Variants in TTLL5 observed in about 807,000 individuals in gnomAD.
TTLL5 encodes the protein tubulin tyrosine ligase like 5.
A neutral mutation model predicts 168.4 loss-of-function variants in TTLL5; 132 were observed. The ratio of observed to expected loss-of-function variants is 0.78; its 90% CI spans 0.68 to 0.91. The LOEUF (loss-of-function observed/expected upper bound fraction) is 0.91, where lower values mean the gene tolerates loss of function less well. Among genes scored for constraint, TTLL5 ranks in the 40% least tolerant of loss-of-function variants. TTLL5 has a pLI of 0.00. For synonymous variants in TTLL5, 546 were observed against 558.6 expected (o/e 0.98, Z 0.32); for missense variants, 1,545 against 1,581.5 (o/e 0.98, Z 0.39).
At position 75,773,967 on chromosome 14, in the gene TTLL5, G is replaced by GAGAA. The variant is rs1566598271; in HGVS notation, c.2137-1514_2137-1513insAAGA. ...AGAGAGAGAGAGAGAAAGAGAGAGA[G>GAGAA]AGAGAGAGAGAGAGAGAGAGAGAGA... On this transcript the variant is annotated intron_variant, in intron 21 of 31. Coordinates refer to ENST00000298832, the MANE Select transcript of TTLL5 (RefSeq NM_015072.5). Among the ~76,000 whole-genome samples, 176 of 101,470 alleles carry GAGAA rather than the reference G, an allele frequency of 1.7e-3. 1 individual carries two copies. Among genetic ancestry groups the GAGAA allele is most frequent in the African/African-American group, 4.8e-3 (118 of 24,744 alleles). The allele number at this position is 101,470 out of a possible 152,430, so 66.6% of individuals were successfully genotyped here.
intron 30 of TTLL5, among the ~76,000 whole-genome samples, chr14:75,885,253 A>G (rs1595206407): frequency 6.6e-6 from 1 of 150,614 alleles, no homozygotes; most frequent in African/African-American, 2.4e-5. Flanking sequence ...CACTTTGGGA[A>G]GCCGAGGCGG....
chr14:75,670,412 T>TA (rs147961440), intron 3 of TTLL5, among the ~76,000 whole-genome samples: 2,389 of 152,268 alleles, frequency 0.016, 79 homozygotes, highest in African/African-American at 0.054. Flanking sequence ...TTTGGACACT[T>TA]AATCTTCAGT....
chr14:75,745,264 TAGTG>T, intron 16 of TTLL5, 56 bp downstream of exon 16: 1 of 1,504,332 alleles, frequency 6.6e-7, no homozygotes, highest in South Asian at 1.2e-5. Context: ...TAGTGAAAAT[TAGTG>T]AGTGATTGAT....
At chr14:75,833,428 C>T (rs1469053817) in intron 28 of TTLL5, among the ~76,000 whole-genome samples, 1 of 152,062 alleles carries the variant, frequency 6.6e-6, no homozygotes, top group Non-Finnish European at 1.5e-5. Flanking sequence ...TTTAAAATAT[C>T]GAAGATCTTC....
chr14:75,833,856 G>A (rs769994703), intron 28 of TTLL5, among the ~76,000 whole-genome samples: 2 of 152,198 alleles, frequency 1.3e-5, no homozygotes, highest in African/African-American at 4.8e-5. Flanking sequence ...TTCTCTGCCT[G>A]ATAAATTTTC....
At position 75,793,096 on chromosome 14, in the gene TTLL5, A is replaced by G; in HGVS notation, c.3167A>G (p.Gln1056Arg). ...TCCAGCCACATCAACCTCCTCACCC[A>G]ACAGGTACGGATGGTCTGGGGTGTC... ...SPSSHINLLTQQVTNLNLATG... is the reference protein window; with the variant it reads ...SPSSHINLLTRQVTNLNLATG... Residue 1056 changes from glutamine (Q) to arginine (R), a missense_variant, in exon 27 of 32, where the codon CAA becomes CGA. By Grantham distance (43) the Gln-to-Arg change is conservative (BLOSUM62 1). Transcript: ENST00000298832. The G allele has an allele frequency of 6.2e-7, 1 of 1,608,934 alleles. No individual in the cohort carries two copies. The highest frequency in any genetic ancestry group is 1.3e-5 in the African/African-American group (1 of 74,964).
intron 29 of TTLL5, among the ~76,000 whole-genome samples, chr14:75,875,563 T>G (rs1037524766): frequency 6.6e-6 from 1 of 151,370 alleles, no homozygotes; most frequent in Non-Finnish European, 1.5e-5. Context: ...GAAAAAAATA[T>G]ATTGTGAACA....
At chr14:75,687,564 A>G (rs966191558) in intron 5 of TTLL5, among the ~76,000 whole-genome samples, 1 of 152,076 alleles carries the variant, frequency 6.6e-6, no homozygotes, top group African/African-American at 2.4e-5. Flanking sequence ...GTGAGCCACC[A>G]TGCCTCACCT....
intron 31 of TTLL5, among the ~76,000 whole-genome samples, chr14:75,937,703 T>C (rs922393777): frequency 1.3e-5 from 2 of 152,240 alleles, no homozygotes; most frequent in African/African-American, 2.4e-5. Context: ...AATTCCCTTT[T>C]TTAAGGTTGA....
chr14:75,900,163 G>C (rs2032858823), intron 30 of TTLL5, among the ~76,000 whole-genome samples: 1 of 152,052 alleles, frequency 6.6e-6, no homozygotes, highest in African/African-American at 2.4e-5. Context: ...TCCCATAAGG[G>C]GCTGAAATAA....
intron 27 of TTLL5, among the ~76,000 whole-genome samples, chr14:75,798,235 G>A (rs912766200): frequency 6.6e-6 from 1 of 152,026 alleles, no homozygotes; most frequent in African/African-American, 2.4e-5. Context: ...GCACGTAAAG[G>A]TGTTCATAGT....
At position 75,770,908 on chromosome 14, in the gene TTLL5, T is replaced by C. The variant is rs1424331476; in HGVS notation, c.2016-826T>C. Among the ~76,000 whole-genome samples, 3 of 152,346 alleles carry C rather than the reference T, an allele frequency of 2.0e-5. No individual in the cohort carries two copies. The East Asian group carries it at 5.8e-4, about 29-fold the overall frequency. On this transcript the variant is annotated intron_variant, in intron 20 of 31. Coordinates refer to ENST00000298832, the MANE Select transcript of TTLL5 (RefSeq NM_015072.5). ...GTTGAGAACAGTGTGGCCTTAAATT[T>C]GGTCTTAAGAGTCCCTTTATAGGAT...
chr14:75,925,903 A>G (rs966811982), intron 31 of TTLL5, among the ~76,000 whole-genome samples: 2 of 151,944 alleles, frequency 1.3e-5, no homozygotes, highest in African/African-American at 4.9e-5. Context: ...TACGAAAACC[A>G]GTCAGGCGTG....
intron 3 of TTLL5, among the ~76,000 whole-genome samples, chr14:75,678,629 A>T (rs1884368751): frequency 6.6e-6 from 1 of 151,992 alleles, no homozygotes; most frequent in South Asian, 2.1e-4. Flanking sequence ...TGCTTGTTTT[A>T]CAGATATCCT....
Position 75,707,018 on chromosome 14 carries a change from C to G in TTLL5, c.586C>G (p.Pro196Ala), listed in dbSNP as rs936113944. 6.2e-7 allele frequency: 1 copy of G among 1,608,042 alleles called. No individual in the cohort carries two copies. Among genetic ancestry groups the G allele is most frequent in the East Asian group, 2.2e-5 (1 of 44,590 alleles). Residue 196 changes from proline (P) to alanine (A), a missense_variant and splice_region_variant, in exon 8 of 32, where the codon CCA becomes GCA. Transcript: ENST00000298832. Reference protein sequence around the residue: ...RGRGVYLINNPNQISLEENIL... With the variant: ...RGRGVYLINNANQISLEENIL... Reference sequence around the variant, plus strand: ...TTCATTCTTTCTCTTTACTCAATAGCCAAACCAGATCTCCCTGGAAGAGAA... The same window carrying G: ...TTCATTCTTTCTCTTTACTCAATAGGCAAACCAGATCTCCCTGGAAGAGAA...
rs758078199 is a variant in TTLL5, at chr14:75,783,533, G to T, written c.2986+3G>T. 1.2e-6 allele frequency: 2 copies of T among 1,611,868 alleles called. No homozygotes were observed. The highest frequency in any genetic ancestry group is 2.2e-5 in the South Asian group (2 of 90,938). Reference sequence around the variant, plus strand: ...TCGTCCCTCTTCAGCAAAGGCAGGTGAGTGAGAGAACGAAAGACAGTCCAC... The same window carrying T: ...TCGTCCCTCTTCAGCAAAGGCAGGTTAGTGAGAGAACGAAAGACAGTCCAC... On this transcript the variant is annotated splice_donor_region_variant and intron_variant, in intron 26 of 31. Coordinates refer to ENST00000298832, the MANE Select transcript of TTLL5 (RefSeq NM_015072.5).
chr14:75,868,859 C>T (rs1001264527), intron 29 of TTLL5, among the ~76,000 whole-genome samples: 6 of 152,054 alleles, frequency 3.9e-5, no homozygotes, highest in African/African-American at 1.4e-4. Flanking sequence ...CAGCAGGCAC[C>T]CTGTCTTTTT....
intron 2 of TTLL5, among the ~76,000 whole-genome samples, chr14:75,666,694 A>G (rs1883288276): frequency 6.6e-6 from 1 of 152,150 alleles, no homozygotes; most frequent in Non-Finnish European, 1.5e-5. Flanking sequence ...TGGGGAAGGC[A>G]TTTCTAATAG....
At chr14:75,712,881 A>C (rs780574689) in intron 9 of TTLL5, among the ~76,000 whole-genome samples, 1 of 152,162 alleles carries the variant, frequency 6.6e-6, no homozygotes, top group African/African-American at 2.4e-5. Flanking sequence ...AAAACAATTC[A>C]TATTTGTTTT....
Sources: gnomAD v4.1 joint callset for allele counts (sites outside exome capture counted in the v4.1 genomes callset) on GRCh38, gnomAD v4.1.1 for gene constraint, MANE v1.5 for transcripts, NCBI Gene and HGNC (gene_info 2026-07-23, HGNC 2026-07-21) for gene names.